The following PDZRN3 variants were observed in gnomAD, a reference collection of about 807,000 sequenced individuals.
PDZRN3 encodes the protein PDZ domain containing ring finger 3.
A neutral mutation model predicts 85.7 loss-of-function variants in PDZRN3; 38 were observed. The ratio of observed to expected loss-of-function variants is 0.44; its 90% CI spans 0.34 to 0.58. The LOEUF (loss-of-function observed/expected upper bound fraction) is 0.58, where lower values mean the gene tolerates loss of function less well. PDZRN3 is among the 20% of genes least tolerant of loss of function. The pLI, the probability that PDZRN3 is intolerant of heterozygous loss-of-function variation, is 0.01. For missense variants in PDZRN3, 1,629 were observed against 1,506.4 expected, an observed-to-expected ratio of 1.08 and a Z score of -1.35; for synonymous variants, 759 against 638.0, an observed-to-expected ratio of 1.19 and a Z score of -2.86.
At chr3:73,581,063 C>A (rs1702195017) in intron 3 of PDZRN3, among the ~76,000 whole-genome samples, 1 of 152,166 alleles carries the variant, frequency 6.6e-6, no homozygotes, top group Non-Finnish European at 1.5e-5. Context: ...TTGAGGTTTA[C>A]TCAAATGTAA....
intron 3 of PDZRN3, chr3:73,474,504 A>G (rs1051636832): frequency 1.5e-5 from 19 of 1,288,714 alleles, no homozygotes; most frequent in Middle Eastern, 2.1e-4. Context: ...AAATTTACTG[A>G]ACAATAAGAT....
intron 3 of PDZRN3, among the ~76,000 whole-genome samples, chr3:73,523,206 T>C (rs1202478134): frequency 6.6e-6 from 1 of 152,102 alleles, no homozygotes; most frequent in Admixed American, 6.5e-5. Context: ...TTTGTACTTT[T>C]GGTAGAGACG....
In PDZRN3 at chr3:73,544,446, G is replaced by A. The variant is rs1373216637; in HGVS notation, c.918+57908C>T. Among the ~76,000 whole-genome samples, 5 of 151,988 alleles carry A rather than the reference G, an allele frequency of 3.3e-5. No homozygotes were observed. In the East Asian group the frequency reaches 9.7e-4, roughly 29 times the overall value. ...TGGCTTTTCCCCCCAGTTTTATGGA[G>A]GTATAATTGACAAATAAAAATAATT... is the stretch of plus-strand genomic sequence containing the variant. On this transcript the variant is annotated intron_variant, in intron 3 of 9. Transcript: ENST00000263666.
chr3:73,579,569 G>A (rs527337280), intron 3 of PDZRN3, among the ~76,000 whole-genome samples: 10 of 152,322 alleles, frequency 6.6e-5, no homozygotes, highest in Admixed American at 2.6e-4. Flanking sequence ...TATTTTGGAT[G>A]AGAACATAGA....
chr3:73,561,943 T>C (rs1701826447), intron 3 of PDZRN3, among the ~76,000 whole-genome samples: 1 of 151,782 alleles, frequency 6.6e-6, no homozygotes, highest in African/African-American at 2.4e-5. Flanking sequence ...GGAAAAGCTG[T>C]TTGTTTTTCA....
At chr3:73,539,807 T>G (rs1704872141) in intron 3 of PDZRN3, among the ~76,000 whole-genome samples, 1 of 152,084 alleles carries the variant, frequency 6.6e-6, no homozygotes, top group Admixed American at 6.6e-5. Context: ...TGACACAGAC[T>G]TAGTATTTAT....
intron 3 of PDZRN3, among the ~76,000 whole-genome samples, chr3:73,448,606 G>A (rs1280052362): frequency 6.6e-6 from 1 of 151,870 alleles, no homozygotes; most frequent in Non-Finnish European, 1.5e-5. Context: ...TTTTCCTGGG[G>A]ACTAAGCTGC....
At chr3:73,567,803 G>A (rs1701976121) in intron 3 of PDZRN3, among the ~76,000 whole-genome samples, 1 of 152,072 alleles carries the variant, frequency 6.6e-6, no homozygotes, top group Non-Finnish European at 1.5e-5. Context: ...GTTAACAAAG[G>A]GTGTCTGGTA....
chr3:73,606,928 A>G (rs1366711026), intron 2 of PDZRN3, among the ~76,000 whole-genome samples: 3 of 152,172 alleles, frequency 2.0e-5, no homozygotes, highest in Non-Finnish European at 2.9e-5. Context: ...CTCCCGCCCT[A>G]GGTAATTTAA....
At chr3:73,388,934 A>T (rs1019866523) in intron 7 of PDZRN3, among the ~76,000 whole-genome samples, 3 of 136,004 alleles carry the variant, frequency 2.2e-5, no homozygotes, top group African/African-American at 1.0e-4. Context: ...AGCAATCAAA[A>T]AAAAAAAAAA....
At chr3:73,408,138 T>A (rs771727418) in intron 3 of PDZRN3, 1 of 703,304 alleles carries the variant, frequency 1.4e-6, no homozygotes, top group South Asian at 1.5e-5. Flanking sequence ...CCAGATGACC[T>A]CCTCCTTTTT....
intron 3 of PDZRN3, among the ~76,000 whole-genome samples, chr3:73,566,187 A>G (rs932288634): frequency 2.0e-5 from 3 of 152,226 alleles, no homozygotes; most frequent in Non-Finnish European, 4.4e-5. Flanking sequence ...GCAACTTTGC[A>G]ATTAGACTTA....
intron 2 of PDZRN3, among the ~76,000 whole-genome samples, chr3:73,606,531 C>T (rs1331135022): frequency 6.6e-6 from 1 of 152,132 alleles, no homozygotes; most frequent in East Asian, 1.9e-4. Flanking sequence ...CCTGGGATCT[C>T]AGACAACTGG....
chr3:73,557,322 G>T (rs1701720422), intron 3 of PDZRN3, among the ~76,000 whole-genome samples: 2 of 152,092 alleles, frequency 1.3e-5, no homozygotes, highest in Admixed American at 1.3e-4. Context: ...ATTTCTGTGG[G>T]GTGTGTCATA....
chr3:73,478,831 G>A (rs1240631378), intron 3 of PDZRN3, among the ~76,000 whole-genome samples: 1 of 152,154 alleles, frequency 6.6e-6, no homozygotes, highest in Non-Finnish European at 1.5e-5. Flanking sequence ...TCCCAAGTGG[G>A]GTTATAACCC....
intron 2 of PDZRN3, among the ~76,000 whole-genome samples, chr3:73,603,275 A>G (rs1702542775): frequency 6.6e-6 from 1 of 152,188 alleles, no homozygotes; most frequent in South Asian, 2.1e-4. Context: ...GACCTCCTTG[A>G]ATCTCTTTAG....
chr3:73,497,642 C>A (rs181033091), intron 3 of PDZRN3, among the ~76,000 whole-genome samples: 2 of 152,296 alleles, frequency 1.3e-5, no homozygotes, highest in Middle Eastern at 3.4e-3. Flanking sequence ...CTCTACGTAC[C>A]CATCACCCAG....
intron 3 of PDZRN3, among the ~76,000 whole-genome samples, chr3:73,562,997 ATATATATATATATATATTTTTTT>A (rs1559739566): frequency 9.8e-5 from 3 of 30,692 alleles, no homozygotes; most frequent in African/African-American, 4.3e-4. Context: ...ATATATATAT[ATATATATATATATATATTTTTTT>A]TTTTTTTTTT....
chr3:73,386,234 T>TTTTTTTTTTC (rs1701383416), intron 8 of PDZRN3, among the ~76,000 whole-genome samples: 1 of 138,942 alleles, frequency 7.2e-6, no homozygotes. Flanking sequence ...CACTTTTTTT[T>TTTTTTTTTTC]TTTTTTTTTT....
Sources: gnomAD v4.1 joint callset for allele counts (sites outside exome capture counted in the v4.1 genomes callset) on GRCh38, gnomAD v4.1.1 for gene constraint, MANE v1.5 for transcripts, NCBI Gene and HGNC (gene_info 2026-07-23, HGNC 2026-07-21) for gene names.